ATG13: variants seen among roughly 807,000 people sequenced by gnomAD.
ATG13 encodes autophagy-related protein 13.
ATG13 carries 23 observed loss-of-function variants against 65.5 expected under a neutral mutation model. That is an observed-to-expected ratio of 0.35 (90% CI 0.25 to 0.50). The LOEUF (loss-of-function observed/expected upper bound fraction) is 0.50. Among genes scored for constraint, ATG13 ranks in the 20% least tolerant of loss-of-function variants. The probability of loss-of-function intolerance (pLI) is 0.98; values close to 1 mark genes in which losing one functional copy is unlikely to be tolerated. For missense variants in ATG13, 566 were observed against 677.0 expected (o/e 0.84, Z 1.82); for synonymous variants, 252 against 245.2 (o/e 1.03, Z -0.26).
At position 46,659,433 on chromosome 11, in the gene ATG13, A is replaced by G; in HGVS notation, c.737A>G (p.Glu246Gly). The G allele has an allele frequency of 6.2e-7, 1 of 1,614,100 alleles. No individual in the cohort carries two copies. Among genetic ancestry groups the G allele is most frequent in the Non-Finnish European group, 8.5e-7 (1 of 1,179,952 alleles). Residue 246 changes from glutamate (E) to glycine (G), a missense_variant, in exon 11 of 19, where the codon GAA becomes GGA. Glu to Gly is a moderately conservative substitution (Grantham distance 98, BLOSUM62 -2). Around this residue, in one of 2 missense-constraint regions of ATG13, gnomAD observed 387 missense variants for 409.8 expected, o/e 0.94. Transcript: ENST00000683050. ...EDTGVIYPSVEDSQEVCTTSF... is the reference protein window; with the variant it reads ...EDTGVIYPSVGDSQEVCTTSF... ...ACTGGAGTAATATACCCGTCTGTAG[A>G]AGACTCTCAAGAAGTGTGTACCACC...
At position 46,672,392 on chromosome 11, in the gene ATG13, C is replaced by G; in HGVS notation, c.*60C>G. 4 of 1,612,852 alleles carry G rather than the reference C, an allele frequency of 2.5e-6. No individual in the cohort carries two copies. Among genetic ancestry groups the G allele is most frequent in the Non-Finnish European group, 3.4e-6 (4 of 1,179,168 alleles). Reference sequence around the variant, plus strand: ...GTGGCCCCAGGGCATAAGCAGCCTCCCATGCATCAGCTGCTCCCACCCCTC... The same window carrying G: ...GTGGCCCCAGGGCATAAGCAGCCTCGCATGCATCAGCTGCTCCCACCCCTC... On this transcript the variant is annotated 3_prime_UTR_variant, in exon 19 of 19. Transcript: ENST00000683050.
intron 2 of ATG13, among the ~76,000 whole-genome samples, chr11:46,635,079 C>T (rs1038315775): frequency 1.9e-4 from 29 of 151,516 alleles, no homozygotes; most frequent in Middle Eastern, 3.4e-3. Context: ...GCTGTCTGAA[C>T]TCATGGCAGC....
chr11:46,632,653 A>G (rs2052208483), intron 2 of ATG13, among the ~76,000 whole-genome samples: 1 of 152,078 alleles, frequency 6.6e-6, no homozygotes, highest in Non-Finnish European at 1.5e-5. Flanking sequence ...AAGAAAGTCA[A>G]ATACATACAT....
At chr11:46,642,304 G>GTTTTTTTTTTTTTTTTTTTTTTGTTTT (rs200225497) in intron 2 of ATG13, among the ~76,000 whole-genome samples, 1 of 107,922 alleles carries the variant, frequency 9.3e-6, no homozygotes. Context: ...ATTTTTGTGG[G>GTTTTTTTTTTTTTTTTTTTTTTGTTTT]TTTTTTTTTT....
chr11:46,624,944 C>A (rs2048978605), intron 1 of ATG13, among the ~76,000 whole-genome samples: 1 of 151,938 alleles, frequency 6.6e-6, no homozygotes, highest in Non-Finnish European at 1.5e-5. Context: ...TTGCTTGAGC[C>A]TGGGAGGTCC....
At chr11:46,647,425 G>T (rs749544403) in intron 5 of ATG13, among the ~76,000 whole-genome samples, 1 of 151,382 alleles carries the variant, frequency 6.6e-6, no homozygotes, top group Non-Finnish European at 1.5e-5. Context: ...TTACAGGTGC[G>T]TGCCACCATG....
chr11:46,619,506 T>G (rs992817635), intron 1 of ATG13, among the ~76,000 whole-genome samples: 1 of 148,804 alleles, frequency 6.7e-6, no homozygotes, highest in African/African-American at 2.5e-5. Flanking sequence ...TGCCTCAGCC[T>G]CCTGAGTAGC....
intron 7 of ATG13, 94 bp downstream of exon 7, chr11:46,650,411 CAGTT>C (rs1411262632): frequency 6.8e-6 from 10 of 1,478,422 alleles, no homozygotes; most frequent in East Asian, 4.6e-5. Flanking sequence ...ATGTTTTGGA[CAGTT>C]GGTTGGTTTG....
chr11:46,633,016 ATATATATATAT>A (rs1256605834), intron 2 of ATG13, among the ~76,000 whole-genome samples: 3 of 115,482 alleles, frequency 2.6e-5, no homozygotes, highest in African/African-American at 9.9e-5. Context: ...ATATATATAT[ATATATATATAT>A]TTTTTTTTTT....
At chr11:46,671,288 G>A (rs1385786535) in intron 18 of ATG13, among the ~76,000 whole-genome samples, 1 of 152,210 alleles carries the variant, frequency 6.6e-6, no homozygotes, top group Non-Finnish European at 1.5e-5. Context: ...CTCTGCAGAT[G>A]CAGCTTCTGT....
At chr11:46,624,287 G>A (rs2135707522) in intron 1 of ATG13, among the ~76,000 whole-genome samples, 1 of 152,282 alleles carries the variant, frequency 6.6e-6, no homozygotes, top group Non-Finnish European at 1.5e-5. Context: ...ACAAAGGTGA[G>A]CCACCACAAC....
intron 7 of ATG13, among the ~76,000 whole-genome samples, chr11:46,654,341 A>G (rs144110086): frequency 6.9e-6 from 1 of 145,736 alleles, no homozygotes; most frequent in East Asian, 2.0e-4. Flanking sequence ...ACTAAAGACC[A>G]CTTATCAAAC....
chr11:46,646,230 C>T (rs536088967), intron 5 of ATG13, among the ~76,000 whole-genome samples: 51 of 152,166 alleles, frequency 3.4e-4, no homozygotes, highest in Non-Finnish European at 4.1e-4. Flanking sequence ...CTCACTGCAA[C>T]CTCTGCCTCC....
In ATG13 at chr11:46,671,134, C is replaced by A. The variant is rs775783461; in HGVS notation, c.1576-1121C>A. The stretch of plus-strand genomic sequence containing the variant: ...CAGCCGTAGCCAGTTCTGAGGCCTC[C>A]CTCTCCTTTCAGGAAGCTGCACCCA... On this transcript the variant is annotated intron_variant, in intron 18 of 18. Transcript: ENST00000683050. Among the ~76,000 whole-genome samples the A allele has an allele frequency of 5.3e-4, 81 of 152,120 alleles. 2 individuals are homozygous for A. Among genetic ancestry groups the A allele is most frequent in the Non-Finnish European group, 1.9e-4 (13 of 68,018 alleles).
intron 2 of ATG13, among the ~76,000 whole-genome samples, chr11:46,633,522 T>C (rs1211113392): frequency 2.0e-5 from 3 of 151,808 alleles, no homozygotes; most frequent in East Asian, 1.9e-4. Context: ...TAATTTTGTA[T>C]TTTTAGTAGA....
chr11:46,635,013 GT>G (rs199502237), intron 2 of ATG13, among the ~76,000 whole-genome samples: 2 of 138,982 alleles, frequency 1.4e-5, no homozygotes, highest in Non-Finnish European at 1.6e-5. Flanking sequence ...GGTTTTTTTT[GT>G]TTTTTTTTTA....
chr11:46,645,747 G>A, intron 4 of ATG13, 123 bp from the exon 5 acceptor site: 2 of 1,341,416 alleles, frequency 1.5e-6, no homozygotes, highest in Non-Finnish European at 2.1e-6. Context: ...GGGGAAGGGA[G>A]AAGTGAATGA....
chr11:46,646,111 A>AG, intron 5 of ATG13, 122 bp downstream of exon 5: 2 of 1,308,964 alleles, frequency 1.5e-6, no homozygotes, highest in Non-Finnish European at 2.1e-6. Context: ...TCATTCTCTG[A>AG]GGGGGTCATA....
At chr11:46,638,996 AT>A (rs527655119) in intron 2 of ATG13, among the ~76,000 whole-genome samples, 8 of 146,384 alleles carry the variant, frequency 5.5e-5, no homozygotes, top group African/African-American at 1.8e-4. Context: ...TTATTTATTT[AT>A]TTTTTTTTGA....
Sources: gnomAD v4.1 joint callset for allele counts (sites outside exome capture counted in the v4.1 genomes callset) on GRCh38, gnomAD v4.1.1 for gene constraint, gnomAD v4.1.1 regional missense constraint, MANE v1.5 for transcripts, NCBI Gene and HGNC (gene_info 2026-07-23, HGNC 2026-07-21) for gene names.